The following PCDH11X variants were observed in gnomAD, a reference collection of about 807,000 sequenced individuals.
PCDH11X encodes the protein protocadherin-11 X-linked.
Under a neutral mutation model 53.3 loss-of-function variants are expected in PCDH11X, and 18 were observed. That is an observed-to-expected ratio of 0.34 (90% confidence interval 0.23 to 0.50). The LOEUF (loss-of-function observed/expected upper bound fraction) is 0.50. PCDH11X is among the 20% of genes least tolerant of loss of function. The pLI is 0.98. For missense variants in PCDH11X, 570 were observed against 1,032.4 expected, an observed-to-expected ratio of 0.55 and a Z score of 6.14; for synonymous variants, 279 against 393.3, an observed-to-expected ratio of 0.71 and a Z score of 3.44.
chrX:92,358,867 G>A (rs1388727296), intron 8 of PCDH11X, among the ~76,000 whole-genome samples: 1 of 110,326 alleles, frequency 9.1e-6, no homozygotes, highest in Non-Finnish European at 1.9e-5. Flanking sequence ...CTTATAGGAA[G>A]TTTCTATTTC....
At chrX:91,895,380 G>T (rs5941025) in intron 6 of PCDH11X, among the ~76,000 whole-genome samples, 21,349 of 110,520 alleles carry the variant, frequency 0.19, 1,949 homozygotes, top group Admixed American at 0.43. Flanking sequence ...CAGGGAGAGG[G>T]TGCTAGTGCT....
intron 8 of PCDH11X, among the ~76,000 whole-genome samples, chrX:92,265,972 C>T (rs1020867526): frequency 1.1e-4 from 12 of 111,789 alleles, no homozygotes; most frequent in African/African-American, 3.9e-4. Context: ...ATGCTACAGA[C>T]CCATCATTAA....
At chrX:92,550,771 A>G (rs1263490549) in intron 10 of PCDH11X, among the ~76,000 whole-genome samples, 1 of 109,959 alleles carries the variant, frequency 9.1e-6, no homozygotes, top group Non-Finnish European at 1.9e-5. Flanking sequence ...TCATCCTTTT[A>G]CTTTCTATTT....
At chrX:91,780,276 G>A (rs1010754892) in intron 1 of PCDH11X, among the ~76,000 whole-genome samples, 2 of 111,734 alleles carry the variant, frequency 1.8e-5, no homozygotes, top group African/African-American at 6.5e-5. Flanking sequence ...AGCGCACAGG[G>A]TTCCCGGTGC....
At position 92,003,897 on chromosome X, in the gene PCDH11X, ATATT is replaced by A. The variant is rs765439839; in HGVS notation, c.3033+124629_3033+124632del. ...CTTAATTTCATTTATTTGTGCTCTG[ATATT>A]TATTATCTCTTTTCTTCTACTAACT... On this transcript the variant is annotated intron_variant, in intron 6 of 10. Transcript: ENST00000682573. 5.3e-3 allele frequency among the ~76,000 whole-genome samples: 581 copies of A among 110,155 alleles called. 1 individual carries two copies. The highest frequency in any genetic ancestry group is 8.9e-3 in the South Asian group (23 of 2,587).
intron 7 of PCDH11X, among the ~76,000 whole-genome samples, chrX:92,215,050 A>T (rs2148342226): frequency 9.0e-6 from 1 of 111,402 alleles, no homozygotes; most frequent in South Asian, 3.8e-4. Flanking sequence ...TCCCGACTAA[A>T]AAGAAAACAC....
At chrX:91,904,892 T>A (rs1158161082) in intron 6 of PCDH11X, among the ~76,000 whole-genome samples, 2 of 110,180 alleles carry the variant, frequency 1.8e-5, no homozygotes, top group Non-Finnish European at 3.8e-5. Context: ...TGGAGGCAAT[T>A]CCATTAAAAT....
At chrX:91,905,906 A>G (rs1440427843) in intron 6 of PCDH11X, among the ~76,000 whole-genome samples, 1 of 111,538 alleles carries the variant, frequency 9.0e-6, no homozygotes, top group Non-Finnish European at 1.9e-5. Context: ...CATAATTTCT[A>G]TGTAGATTAA....
chrX:92,323,886 T>G (rs1294199969), intron 8 of PCDH11X, among the ~76,000 whole-genome samples: 3 of 111,012 alleles, frequency 2.7e-5, no homozygotes, highest in Non-Finnish European at 3.8e-5. Flanking sequence ...TTTCAATTTT[T>G]TTTCCAGGCT....
At chrX:91,846,166 A>T (rs1240803979) in intron 5 of PCDH11X, among the ~76,000 whole-genome samples, 1 of 111,911 alleles carries the variant, frequency 8.9e-6, no homozygotes, top group African/African-American at 3.2e-5. Flanking sequence ...AATGTAAAAA[A>T]TGGCATTTTA....
chrX:92,481,303 A>C (rs866420263), intron 10 of PCDH11X, among the ~76,000 whole-genome samples: 12 of 90,084 alleles, frequency 1.3e-4, no homozygotes, highest in South Asian at 1.1e-3. Flanking sequence ...CACACACCCC[A>C]CACACACACA....
intron 9 of PCDH11X, among the ~76,000 whole-genome samples, chrX:92,457,349 G>A (rs1451939729): frequency 9.4e-6 from 1 of 106,235 alleles, no homozygotes; most frequent in Non-Finnish European, 2.0e-5. Context: ...CAGTTACAAA[G>A]TCCCAATAAG....
chrX:92,208,508 AAT>A (rs58212809), intron 7 of PCDH11X, among the ~76,000 whole-genome samples: 518 of 30,664 alleles, frequency 0.017, 45 homozygotes, highest in African/African-American at 0.035. Context: ...CCCTGAAACT[AAT>A]ATATATATAT....
chrX:92,137,298 G>A (rs2065099051), intron 6 of PCDH11X, among the ~76,000 whole-genome samples: 1 of 111,252 alleles, frequency 9.0e-6, no homozygotes, highest in South Asian at 3.8e-4. Flanking sequence ...TGGAAACATA[G>A]TCTTTTTGTC....
At chrX:92,445,680 G>A (rs1313458712) in intron 9 of PCDH11X, among the ~76,000 whole-genome samples, 1 of 108,402 alleles carries the variant, frequency 9.2e-6, no homozygotes, top group Admixed American at 9.9e-5. Context: ...AATGAAACTA[G>A]GATATTTAAG....
chrX:92,120,450 G>A (rs1455095541), intron 6 of PCDH11X, among the ~76,000 whole-genome samples: 2 of 112,779 alleles, frequency 1.8e-5, no homozygotes, highest in African/African-American at 3.2e-5. Context: ...GCGCCACCGC[G>A]CCTGGCCACC....
At chrX:92,553,194 C>A (rs1007151216) in intron 10 of PCDH11X, among the ~76,000 whole-genome samples, 13 of 90,945 alleles carry the variant, frequency 1.4e-4, no homozygotes, top group African/African-American at 5.1e-4. Flanking sequence ...TTGAAGTCGT[C>A]GGGTCTCGGG....
At chrX:92,111,220 A>T (rs1222270044) in intron 6 of PCDH11X, among the ~76,000 whole-genome samples, 1 of 22,685 alleles carries the variant, frequency 4.4e-5, no homozygotes, top group African/African-American at 1.9e-4. Flanking sequence ...ACCTAACGCT[A>T]AAAAAAAAAA....
intron 6 of PCDH11X, among the ~76,000 whole-genome samples, chrX:92,038,456 G>A (rs1410626160): frequency 1.8e-5 from 2 of 111,518 alleles, no homozygotes; most frequent in Admixed American, 9.5e-5. Context: ...CAGTATCCAC[G>A]TGGTATAGAG....
Sources: allele counts gnomAD v4.1 joint callset (sites outside exome capture counted in the v4.1 genomes callset), GRCh38; gene constraint gnomAD v4.1.1; transcripts MANE v1.5; gene names NCBI Gene and HGNC (gene_info 2026-07-23, HGNC 2026-07-21).